Variants in ABCA10 observed in about 807,000 individuals in gnomAD.
ABCA10 encodes ATP-binding cassette sub-family A member 10.
Under a neutral mutation model 187.5 loss-of-function variants are expected in ABCA10, and 169 were observed. The ratio of observed to expected loss-of-function variants is 0.90; its 90% CI spans 0.80 to 1.02. The LOEUF is 1.02. ABCA10 is among the 50% of genes least tolerant of loss of function. ABCA10 has a pLI of 0.00. For missense variants in ABCA10, 1,727 were observed against 1,812.4 expected (o/e 0.95, Z 0.86); for synonymous variants, 574 against 601.8 (o/e 0.95, Z 0.68).
intron 34 of ABCA10, 114 bp downstream of exon 34, chr17:69,153,189 ATG>A: frequency 8.1e-7 from 1 of 1,230,902 alleles, no homozygotes; most frequent in Non-Finnish European, 1.1e-6. Flanking sequence ...ATAATAGAAG[ATG>A]TGCACATCAA....
At chr17:69,185,455 A>G (rs2074413924) in intron 20 of ABCA10, 22 bp downstream of exon 20, 2 of 1,587,382 alleles carry the variant, frequency 1.3e-6, no homozygotes, top group African/African-American at 1.4e-5. Flanking sequence ...AACTCACACT[A>G]AATTTCAGCC....
chr17:69,186,128 T>C (rs2074418926), intron 19 of ABCA10, among the ~76,000 whole-genome samples: 1 of 152,196 alleles, frequency 6.6e-6, no homozygotes, highest in Non-Finnish European at 1.5e-5. Context: ...TATTTTTATA[T>C]CCTAGAAGTC....
At chr17:69,224,151 C>G (rs1258831995) in intron 3 of ABCA10, among the ~76,000 whole-genome samples, 1 of 152,240 alleles carries the variant, frequency 6.6e-6, no homozygotes. Context: ...GATAACAATA[C>G]CCATTCGAAA....
At chr17:69,191,578 C>A (rs2074460284) in intron 16 of ABCA10, among the ~76,000 whole-genome samples, 1 of 152,130 alleles carries the variant, frequency 6.6e-6, no homozygotes, top group African/African-American at 2.4e-5. Context: ...AACTAAAGCA[C>A]AGTGACATTT....
Position 69,219,698 on chromosome 17 carries a change from A to G in ABCA10, c.377T>C (p.Ile126Thr), listed in dbSNP as rs1262090834. 2.5e-6 allele frequency: 4 copies of G among 1,612,092 alleles called. No homozygotes were observed. The highest frequency in any genetic ancestry group is 1.1e-5 in the South Asian group (1 of 90,468). Reference sequence around the variant, plus strand: ...TTCATTCATAATTTCTCCCTTAGAAATGAAAGGTGGTATCTTCATATTTAT... The same window carrying G: ...TTCATTCATAATTTCTCCCTTAGAAGTGAAAGGTGGTATCTTCATATTTAT... ...IGINMKIPPFISKGEIMNEWF... is the reference protein window; with the variant it reads ...IGINMKIPPFTSKGEIMNEWF... The change falls in exon 6 of 39, where the codon ATT becomes ACT. Residue 126 changes from isoleucine to threonine, a missense_variant. Ile to Thr is a moderately conservative substitution (Grantham distance 89, BLOSUM62 -1). Transcript: ENST00000690296.
At position 69,190,479 on chromosome 17, in the gene ABCA10, T is replaced by C. The variant is rs368551028; in HGVS notation, c.2012-2A>G. The C allele has an allele frequency of 1.8e-4, 275 of 1,563,350 alleles. 4 individuals carry two copies. The South Asian group carries it at 3.3e-3, about 19-fold the overall frequency. ...ACTTATCAAGGTCACTGTAAAGATC[T>C]AAAAAGCCAATAGTAATAAGTCAAC... On this transcript the variant is annotated splice_acceptor_variant, in intron 17 of 38. Coordinates refer to ENST00000690296, the MANE Select transcript of ABCA10 (RefSeq NM_001377321.1). LOFTEE classifies it high-confidence loss of function.
At chr17:69,162,824 T>TAC (rs199843323) in intron 27 of ABCA10, among the ~76,000 whole-genome samples, 12,476 of 82,060 alleles carry the variant, frequency 0.15, 1,823 homozygotes, top group African/African-American at 0.41. Flanking sequence ...CATATACATA[T>TAC]ACATATACAT....
chr17:69,182,826 AG>A lies in ABCA10; in HGVS notation c.2498-19del. ...ATTTGATCCTAACATAGTGGAAGGAAGGCAACAAGAAAAAAAAAAAAAAAGC... is the reference window on the plus strand; with the variant it reads ...ATTTGATCCTAACATAGTGGAAGGAAGCAACAAGAAAAAAAAAAAAAAAGC... On this transcript the variant is annotated intron_variant, in intron 20 of 38. Coordinates refer to ENST00000690296, the MANE Select transcript of ABCA10 (RefSeq NM_001377321.1). 6.8e-7 allele frequency: 1 copy of A among 1,477,630 alleles called. No individual in the cohort carries two copies. The highest frequency in any genetic ancestry group is 8.9e-7 in the Non-Finnish European group (1 of 1,121,620). 91.5% of individuals were successfully genotyped at this position (1,477,630 alleles called of 1,614,324 possible).
At chr17:69,156,733 C>A (rs2074177158) in intron 28 of ABCA10, 99 bp downstream of exon 28, 3 of 701,934 alleles carry the variant, frequency 4.3e-6, no homozygotes, top group Non-Finnish European at 6.0e-6. Context: ...AACCCTGTTT[C>A]TATTTTCAAA....
At position 69,185,468 on chromosome 17, in the gene ABCA10, A is replaced by G. The variant is rs2144794346; in HGVS notation, c.2497+9T>C. ...AAAACTCACACTAAATTTCAGCCCC[A>G]TTTCTCACCTGTATTATTAACGATT... On this transcript the variant is annotated intron_variant, in intron 20 of 38. Coordinates refer to ENST00000690296, the MANE Select transcript of ABCA10 (RefSeq NM_001377321.1). 1 of 1,599,558 alleles carries G rather than the reference A, an allele frequency of 6.3e-7. No individual in the cohort carries two copies. The highest frequency in any genetic ancestry group is 8.5e-7 in the Non-Finnish European group (1 of 1,172,128).
chr17:69,242,361 T>A (rs1312026562), intron 1 of ABCA10, among the ~76,000 whole-genome samples: 1 of 152,262 alleles, frequency 6.6e-6, no homozygotes, highest in Non-Finnish European at 1.5e-5. Flanking sequence ...ATGGTATTAT[T>A]CTGTCAGTAA....
At chr17:69,177,600 A>G (rs1392169436) in intron 22 of ABCA10, among the ~76,000 whole-genome samples, 3 of 152,050 alleles carry the variant, frequency 2.0e-5, no homozygotes, top group Non-Finnish European at 2.9e-5. Context: ...TCCTTAGTAT[A>G]TTTCTATTTA....
rs1477325965 is a variant in ABCA10 at position 69,150,057 on chromosome 17, G to A, written c.4404C>T (p.Ser1468=). Residue 1468 remains serine (S), a synonymous_variant, in exon 37 of 39, where the codon TCC becomes TCT. Coordinates refer to ENST00000690296, the MANE Select transcript of ABCA10 (RefSeq NM_001377321.1). ...FPQAAWQERY[S]SLMAYKLPVE... is the part of the protein sequence containing the mutation. ...CAGGTAACTTATACGCCATTAAAGA[G>A]GAATATCTGTCAGGAAGAAGAGTGA... 1 of 1,610,414 alleles carries A rather than the reference G, an allele frequency of 6.2e-7. No individual in the cohort carries two copies. Among genetic ancestry groups the A allele is most frequent in the East Asian group, 2.2e-5 (1 of 44,804 alleles).
At chr17:69,194,175 A>G (rs762475705) in intron 12 of ABCA10, among the ~76,000 whole-genome samples, 186 bp from the exon 13 acceptor site, 1 of 152,216 alleles carries the variant, frequency 6.6e-6, no homozygotes, top group Non-Finnish European at 1.5e-5. Context: ...CTGTGTCCAC[A>G]GCAATGCAAA....
At chr17:69,154,420 C>CT (rs56142812) in intron 30 of ABCA10, 94 bp from the exon 31 acceptor site, 33,785 of 459,790 alleles carry the variant, frequency 0.073, 2,112 homozygotes, top group African/African-American at 0.31. Context: ...AACAAAATGA[C>CT]TTTTTTTTTT....
At chr17:69,243,734 C>A (rs1361649525) in intron 1 of ABCA10, among the ~76,000 whole-genome samples, 1 of 152,082 alleles carries the variant, frequency 6.6e-6, no homozygotes, top group East Asian at 1.9e-4. Flanking sequence ...CCCATCTCTA[C>A]AAAAAATACG....
In ABCA10 at chr17:69,193,466, A is replaced by T. The variant is rs534614303; in HGVS notation, c.1641+27T>A. Reference sequence around the variant, plus strand: ...GTTGTATATCCTTCAATCTAAATTAATTGTAAAAATATATTTTTTCTCTCA... The same window carrying T: ...GTTGTATATCCTTCAATCTAAATTATTTGTAAAAATATATTTTTTCTCTCA... On this transcript the variant is annotated intron_variant, in intron 14 of 38. Transcript: ENST00000690296. The T allele has an allele frequency of 1.3e-4, 203 of 1,596,098 alleles. 1 individual carries two copies. In the Middle Eastern group the frequency reaches 1.5e-3, roughly 12 times the overall value.
intron 27 of ABCA10, among the ~76,000 whole-genome samples, chr17:69,157,916 G>A (rs1337407897): frequency 1.3e-5 from 2 of 151,606 alleles, no homozygotes; most frequent in Non-Finnish European, 2.9e-5. Context: ...TAGGGAGGGG[G>A]GGATTTCTTA....
Position 69,152,203 on chromosome 17 carries a change from G to A in ABCA10, c.4257-20C>T, listed in dbSNP as rs1447610585. 6 of 1,589,340 alleles carry A rather than the reference G, an allele frequency of 3.8e-6. No homozygotes were observed. The highest frequency in any genetic ancestry group is 1.7e-4 in the Middle Eastern group (1 of 5,894). On this transcript the variant is annotated intron_variant, in intron 35 of 38. Coordinates refer to ENST00000690296, the MANE Select transcript of ABCA10 (RefSeq NM_001377321.1). ...ATACACCTAGTTCAGGGGAAATAAA[G>A]AAAAAATACTTGTCTCTTAATTTCT...
Sources: gnomAD v4.1 joint callset for allele counts (sites outside exome capture counted in the v4.1 genomes callset) on GRCh38, gnomAD v4.1.1 for gene constraint, MANE v1.5 for transcripts, NCBI Gene and HGNC (gene_info 2026-07-23, HGNC 2026-07-21) for gene names.